DCLRE1C: variants seen among roughly 807,000 people sequenced by gnomAD.
DCLRE1C encodes the protein protein artemis.
Under a neutral mutation model 61.4 loss-of-function variants are expected in DCLRE1C, and 47 were observed. That is an observed-to-expected ratio of 0.77 (90% CI 0.61 to 0.98). The LOEUF is 0.98. DCLRE1C is among the 50% of genes least tolerant of loss of function. DCLRE1C has a pLI of 0.00. For synonymous variants in DCLRE1C, 337 were observed against 287.6 expected, an observed-to-expected ratio of 1.17 and a Z score of -1.74; for missense variants, 858 against 816.0, an observed-to-expected ratio of 1.05 and a Z score of -0.63.
At chr10:14,918,691 A>T (rs1230218834) in intron 13 of DCLRE1C, among the ~76,000 whole-genome samples, 1 of 152,142 alleles carries the variant, frequency 6.6e-6, no homozygotes, top group African/African-American at 2.4e-5. Context: ...TGCATTACAT[A>T]ATAGAGTTAA....
rs985357114 is a variant in DCLRE1C at position 14,906,099 on chromosome 10, A to G, written c.*2309T>C. Among the ~76,000 whole-genome samples the G allele has an allele frequency of 6.6e-6, 1 of 152,254 alleles. No individual in the cohort carries two copies. The highest frequency in any genetic ancestry group is 1.5e-5 in the Non-Finnish European group (1 of 68,044). ...GTTTATACTTTTTTGGAGAGACATC[A>G]GAGCATAGCAGTTAAGATCATGGTC... On this transcript the variant is annotated 3_prime_UTR_variant, in exon 14 of 14. Coordinates refer to ENST00000378278, the MANE Select transcript of DCLRE1C (RefSeq NM_001033855.3).
chr10:14,926,149 A>G (rs1342139017), intron 11 of DCLRE1C, among the ~76,000 whole-genome samples: 3 of 152,194 alleles, frequency 2.0e-5, no homozygotes, highest in Non-Finnish European at 4.4e-5. Context: ...ATGTCCTTAG[A>G]GCAGCAGGAG....
rs1588881297 is a variant in DCLRE1C at position 14,906,905 on chromosome 10, G to A, written c.*1503C>T. Among the ~76,000 whole-genome samples the A allele has an allele frequency of 6.6e-6, 1 of 152,088 alleles. No homozygotes were observed. Among genetic ancestry groups the A allele is most frequent in the Non-Finnish European group, 1.5e-5 (1 of 67,992 alleles). On this transcript the variant is annotated 3_prime_UTR_variant, in exon 14 of 14. Transcript: ENST00000378278. Reference sequence around the variant, plus strand: ...TTTTAATTTATTTTTCTTGAGATGGGGTCTTGCTTTGTTGCCCAGGCTGGG... The same window carrying A: ...TTTTAATTTATTTTTCTTGAGATGGAGTCTTGCTTTGTTGCCCAGGCTGGG...
chr10:14,926,735 A>G, intron 11 of DCLRE1C, 108 bp downstream of exon 11: 1 of 858,642 alleles, frequency 1.2e-6, no homozygotes, highest in Non-Finnish European at 1.9e-6. Flanking sequence ...AGGAAATGAA[A>G]CTTACATAGA....
In DCLRE1C at chr10:14,912,100, C is replaced by T. The variant is rs115435387; in HGVS notation, c.1157-2770G>A. 9.4e-3 allele frequency among the ~76,000 whole-genome samples: 1,439 copies of T among 152,332 alleles called. 23 individuals carry two copies. Among genetic ancestry groups the T allele is most frequent in the African/African-American group, 0.032 (1,320 of 41,580 alleles). ...AAATTCATATGTGGAAGCCCTAAAGCCAGTGTGGCTGTTATCTAGAGATGG... is the reference window on the plus strand; with the variant it reads ...AAATTCATATGTGGAAGCCCTAAAGTCAGTGTGGCTGTTATCTAGAGATGG... On this transcript the variant is annotated intron_variant, in intron 13 of 13. Coordinates refer to ENST00000378278, the MANE Select transcript of DCLRE1C (RefSeq NM_001033855.3).
chr10:14,919,650 C>G, intron 13 of DCLRE1C, 88 bp downstream of exon 13: 2 of 1,029,100 alleles, frequency 1.9e-6, no homozygotes, highest in African/African-American at 3.1e-5. Flanking sequence ...TCCACTCTGC[C>G]CAAGGCCACT....
chr10:14,927,266 A>G (rs1838170991), intron 10 of DCLRE1C, among the ~76,000 whole-genome samples: 1 of 151,966 alleles, frequency 6.6e-6, no homozygotes, highest in Non-Finnish European at 1.5e-5. Flanking sequence ...CATGCCTGTA[A>G]TCCCAGCTAC....
chr10:14,941,062 G>A (rs1487943735), intron 3 of DCLRE1C, among the ~76,000 whole-genome samples: 4 of 152,128 alleles, frequency 2.6e-5, no homozygotes, highest in African/African-American at 9.7e-5. Context: ...TTTTGTAGCA[G>A]AGATGGGGTT....
chr10:14,949,727 C>A (rs946443985), intron 1 of DCLRE1C, among the ~76,000 whole-genome samples: 9 of 152,216 alleles, frequency 5.9e-5, no homozygotes, highest in African/African-American at 2.2e-4. Flanking sequence ...GCCCAGACAA[C>A]AATGATCAAA....
chr10:14,911,901 C>G (rs1289794569), intron 13 of DCLRE1C, among the ~76,000 whole-genome samples: 2 of 152,178 alleles, frequency 1.3e-5, no homozygotes, highest in African/African-American at 2.4e-5. Flanking sequence ...TACCACCATA[C>G]ACTAGGATGG....
At chr10:14,937,561 G>C (rs1207110840) in intron 4 of DCLRE1C, among the ~76,000 whole-genome samples, 4 of 152,098 alleles carry the variant, frequency 2.6e-5, no homozygotes, top group Non-Finnish European at 5.9e-5. Context: ...TGGGATTACA[G>C]GTGAGAGCCA....
downstream of DCLRE1C, chr10:14,902,341 A>C (rs185630985): frequency 8.6e-7 from 1 of 1,166,380 alleles, no homozygotes; most frequent in Non-Finnish European, 1.2e-6. Flanking sequence ...ATAATAGAAA[A>C]TTTGAAATTT....
rs768379953 is a variant in DCLRE1C at position 14,932,911 on chromosome 10, G to C, written c.723C>G (p.Ile241Met). Residue 241 changes from isoleucine to methionine, a missense_variant, in exon 9 of 14, where the codon ATC becomes ATG. Transcript: ENST00000378278. ...KLDMFRNMPE[I>M]LHHLTTDRNT... ...TGCGGTCTGTTGTGAGATGATGAAG[G>C]ATCTCAGGCATGTTCCTAAACATGT... The C allele has an allele frequency of 6.2e-7, 1 of 1,614,190 alleles. No homozygotes were observed. The highest frequency in any genetic ancestry group is 8.5e-7 in the Non-Finnish European group (1 of 1,180,032).
intron 5 of DCLRE1C, 43 bp from the exon 6 acceptor site, chr10:14,935,607 A>G: frequency 6.4e-7 from 1 of 1,570,742 alleles, no homozygotes; most frequent in Non-Finnish European, 8.8e-7. Context: ...GTCTCATATA[A>G]ACTCCCAATA....
chr10:14,904,442 G>C (rs190833756), downstream of DCLRE1C: 5 of 147,750 alleles, frequency 3.4e-5, no homozygotes, highest in East Asian at 4.0e-4. Flanking sequence ...TAGGTTTACA[G>C]GTTGCCCCCA....
In DCLRE1C at chr10:14,908,497, G is replaced by A. The variant is rs200693133; in HGVS notation, c.1990C>T (p.Arg664Ter). ...PSTPEAELPKREHLQYLYEKL... is the reference protein window; with the variant it reads ...PSTPEAELPK ...TCATATAAATATTGTAAATGCTCTC[G>A]TTTAGGTAACTCAGCTTCTGGAGTT... Residue 664 changes from arginine to a stop codon, truncating the protein, a stop_gained, in exon 14 of 14, where the codon CGA (arginine) becomes TGA (stop). Transcript: ENST00000378278. LOFTEE classifies it high-confidence loss of function. The A allele has an allele frequency of 6.9e-5, 112 of 1,613,856 alleles. No individual in the cohort carries two copies. The highest frequency in any genetic ancestry group is 3.6e-4 in the African/African-American group (27 of 74,870).
At position 14,953,984 on chromosome 10, in the gene DCLRE1C, G is replaced by C. The variant is rs756715291; in HGVS notation, c.27C>G (p.Ala9=). 3 of 1,613,880 alleles carry C rather than the reference G, an allele frequency of 1.9e-6. No individual in the cohort carries two copies. Among genetic ancestry groups the C allele is most frequent in the East Asian group, 4.5e-5 (2 of 44,888 alleles). MSSFEGQM[A]EYPTISIDRF... is the part of the protein sequence containing the mutation. ...GGTCTATGGAGATAGTTGGATACTC[G>C]GCCATCTGCCCCTCGAAAGAACTCA... Residue 9 remains alanine (A), a synonymous_variant, in exon 1 of 14, where the codon GCC becomes GCG. Coordinates refer to ENST00000378278, the MANE Select transcript of DCLRE1C (RefSeq NM_001033855.3).
At chr10:14,904,315 ATTTTTTTTTTTTT>A (rs35999949), downstream of DCLRE1C, 1 of 77,762 alleles carries the variant, frequency 1.3e-5, no homozygotes, top group South Asian at 5.4e-4. Context: ...AAAAAAAAAA[ATTTTTTTTTTTTT>A]TTTTTTTTTT....
downstream of DCLRE1C, among the ~76,000 whole-genome samples, chr10:14,901,541 T>G (rs1834009353): frequency 6.6e-6 from 1 of 151,824 alleles, no homozygotes; most frequent in Admixed American, 6.6e-5. Context: ...ACTGTACTAC[T>G]TGTCTTTTTT....
Sources: gnomAD v4.1 joint callset for allele counts (sites outside exome capture counted in the v4.1 genomes callset) on GRCh38, gnomAD v4.1.1 for gene constraint, MANE v1.5 for transcripts, NCBI Gene and HGNC (gene_info 2026-07-23, HGNC 2026-07-21) for gene names.